PSG5: variants seen among roughly 807,000 people sequenced by gnomAD.
PSG5 encodes the protein pregnancy-specific beta-1-glycoprotein 5.
PSG5 carries 53 observed loss-of-function variants against 37.7 expected under a neutral mutation model. That is an observed-to-expected ratio of 1.41 (90% CI 1.13 to 1.77). PSG5 has a LOEUF of 1.77. PSG5 is among the 40% of genes most tolerant of loss of function. PSG5 has a pLI of 0.00. For missense variants in PSG5, 547 were observed against 405.2 expected (o/e 1.35, Z -3.00); for synonymous variants, 221 against 155.4 (o/e 1.42, Z -3.14).
At chr19:43,185,809 A>G (rs1476357208) in intron 1 of PSG5, among the ~76,000 whole-genome samples, 1 of 146,564 alleles carries the variant, frequency 6.8e-6, no homozygotes, top group East Asian at 2.0e-4. Context: ...CTTTTATTAG[A>G]AGTGTCATCT....
chr19:43,176,568 TC>T (rs1377001634), intron 2 of PSG5, among the ~76,000 whole-genome samples: 1 of 151,578 alleles, frequency 6.6e-6, no homozygotes, highest in Non-Finnish European at 1.5e-5. Flanking sequence ...AGCTCCCATT[TC>T]CAAGGACATT....
rs758445150 is a variant in PSG5 at position 43,168,660 on chromosome 19, T to C, written c.*41-457A>G. Among the ~76,000 whole-genome samples the C allele has an allele frequency of 1.6e-4, 25 of 151,768 alleles. 2 individuals are homozygous for C. The highest frequency in any genetic ancestry group is 1.3e-4 in the Non-Finnish European group (9 of 67,928). ...CTGCTGGGATTGCAGGCGTGAGCCA[T>C]CGCGCCCAGCGTAGAATACTCATAT... On this transcript the variant is annotated intron_variant, in intron 5 of 5. Coordinates refer to ENST00000342951, the MANE Select transcript of PSG5 (RefSeq NM_002781.4).
chr19:43,178,580 C>T (rs1434631806), intron 2 of PSG5, among the ~76,000 whole-genome samples: 1 of 151,632 alleles, frequency 6.6e-6, no homozygotes, highest in Non-Finnish European at 1.5e-5. Flanking sequence ...AGTCGCAACA[C>T]TGAAGTCCCA....
In PSG5 at chr19:43,177,283, A is replaced by G. The variant is rs901507264; in HGVS notation, c.431-1135T>C. Among the ~76,000 whole-genome samples, 78 of 151,248 alleles carry G rather than the reference A, an allele frequency of 5.2e-4. 1 individual carries two copies. The highest frequency in any genetic ancestry group is 2.1e-4 in the South Asian group (1 of 4,806). ...ATAGAGATTGGCTGTCGAGCTTGATACCTATAGTTCACACAGATTGAGTAT... is the reference window on the plus strand; with the variant it reads ...ATAGAGATTGGCTGTCGAGCTTGATGCCTATAGTTCACACAGATTGAGTAT... On this transcript the variant is annotated intron_variant, in intron 2 of 5. Transcript: ENST00000342951.
chr19:43,169,632 G>C (rs2355426), intron 5 of PSG5, among the ~76,000 whole-genome samples: 2 of 151,614 alleles, frequency 1.3e-5, no homozygotes, highest in African/African-American at 2.4e-5. Flanking sequence ...TTGATTAAGT[G>C]AATTAACTAG....
rs988868864 is a variant in PSG5, at chr19:43,168,383, T to C, written c.*41-180A>G. 8.3e-4 allele frequency among the ~76,000 whole-genome samples: 126 copies of C among 151,674 alleles called. 2 individuals are homozygous for C. Among genetic ancestry groups the C allele is most frequent in the African/African-American group, 2.9e-3 (121 of 41,252 alleles). ...AATACTCATTTAAAAAAATTTTTTTTTTTGAAATGGAGTCTCACTCTGTCA... is the reference window on the plus strand; with the variant it reads ...AATACTCATTTAAAAAAATTTTTTTCTTTGAAATGGAGTCTCACTCTGTCA... On this transcript the variant is annotated intron_variant, in intron 5 of 5. Coordinates refer to ENST00000342951, the MANE Select transcript of PSG5 (RefSeq NM_002781.4).
In PSG5 at chr19:43,186,531, C is replaced by T. The variant is rs1244711062; in HGVS notation, c.-126G>A. The T allele has an allele frequency of 1.1e-5, 16 of 1,451,944 alleles. No individual in the cohort carries two copies. Among genetic ancestry groups the T allele is most frequent in the Admixed American group, 2.2e-5 (1 of 45,748 alleles). The allele number at this position is 1,451,944 out of a possible 1,614,324, so 89.9% of individuals were successfully genotyped here. On this transcript the variant is annotated 5_prime_UTR_variant, in exon 1 of 6. In the 5' UTR this introduces an upstream ATG that the reference lacks. Transcript: ENST00000342951. ...TGAGCCTCTCTCCAGGGCAGGAGCA[C>T]TTCTCAGGCTCATGGGTGGGGTCAG...
chr19:43,171,766 T>A lies in PSG5; in HGVS notation c.965-1628A>T, dbSNP rs1326493338. Among the ~76,000 whole-genome samples the A allele has an allele frequency of 3.3e-5, 5 of 151,428 alleles. 1 individual carries two copies. The highest frequency in any genetic ancestry group is 7.4e-5 in the Non-Finnish European group (5 of 67,866). ...GAAGGATTTCTTGAGACCAGGTGTT[T>A]GGACCAGCATGGGTAACCTGGGGAG... On this transcript the variant is annotated intron_variant, in intron 4 of 5. Transcript: ENST00000342951.
At chr19:43,169,484 G>A (rs1968857839) in intron 5 of PSG5, among the ~76,000 whole-genome samples, 1 of 151,582 alleles carries the variant, frequency 6.6e-6, no homozygotes, top group Admixed American at 6.6e-5. Flanking sequence ...GGGTGAAGGG[G>A]CAGGGATGTG....
At chr19:43,177,243 C>T (rs1048904674) in intron 2 of PSG5, among the ~76,000 whole-genome samples, 1 of 151,424 alleles carries the variant, frequency 6.6e-6, no homozygotes, top group African/African-American at 2.4e-5. Flanking sequence ...TTCAGTTATG[C>T]AAGGTGGGGA....
chr19:43,174,559 T>G lies in PSG5; in HGVS notation c.964+656A>C, dbSNP rs139176410. 8.5e-4 allele frequency: 769 copies of G among 908,958 alleles called. 15 individuals carry two copies. In the African/African-American group the frequency reaches 0.013, roughly 15 times the overall value. 56.3% of individuals were successfully genotyped at this position (908,958 alleles called of 1,614,324 possible). A position where few individuals can be genotyped will look rare whatever the true frequency, so the allele number is the denominator to read the frequency against. Reference sequence around the variant, plus strand: ...GAGCCAGGACGCAACGCAGGAGTCTTCCCTGAGGCTCCCTCTCTTCTTATT... The same window carrying G: ...GAGCCAGGACGCAACGCAGGAGTCTGCCCTGAGGCTCCCTCTCTTCTTATT... On this transcript the variant is annotated intron_variant, in intron 4 of 5. Coordinates refer to ENST00000342951, the MANE Select transcript of PSG5 (RefSeq NM_002781.4).
At chr19:43,179,143 G>T (rs187996200) in intron 2 of PSG5, 4 of 1,595,262 alleles carry the variant, frequency 2.5e-6, no homozygotes, top group Admixed American at 1.7e-5. Context: ...GAGATGGAGG[G>T]CTTGGGAGTT....
intron 4 of PSG5, 194 bp downstream of exon 4, chr19:43,175,021 A>G: frequency 1.3e-6 from 2 of 1,484,944 alleles, no homozygotes; most frequent in Non-Finnish European, 1.8e-6. Context: ...ACACAAGGTC[A>G]GCCATGAGAA....
intron 5 of PSG5, 89 bp from the exon 6 acceptor site, chr19:43,168,292 T>G (rs1968829554): frequency 2.8e-6 from 1 of 355,486 alleles, no homozygotes; most frequent in Non-Finnish European, 5.2e-6. Context: ...AGAAATCCAG[T>G]TACTTCTGTG....
rs368986569 is a variant in PSG5, at chr19:43,176,179, G to A, written c.431-31C>T. 42 of 1,606,208 alleles carry A rather than the reference G, an allele frequency of 2.6e-5. 2 individuals carry two copies. In the African/African-American group the frequency reaches 4.7e-4, roughly 18 times the overall value. On this transcript the variant is annotated intron_variant, in intron 2 of 5. Transcript: ENST00000342951. ...TGGATAACAGAGAGAAGATTGTCCT[G>A]TGTGGCACCTTTGATTCCTCCACAG... is the stretch of plus-strand genomic sequence containing the variant.
At chr19:43,182,765 A>G (rs1287079300) in intron 2 of PSG5, among the ~76,000 whole-genome samples, 5 of 133,584 alleles carry the variant, frequency 3.7e-5, no homozygotes, top group African/African-American at 5.8e-5. Flanking sequence ...TTATGAATGG[A>G]TGGAGGAACT....
chr19:43,170,153 A>G lies in PSG5; in HGVS notation c.965-15T>C, dbSNP rs138965413. 3.3e-3 allele frequency: 5,181 copies of G among 1,572,624 alleles called. 85 individuals are homozygous for G. Among genetic ancestry groups the G allele is most frequent in the Non-Finnish European group, 3.9e-3 (4,517 of 1,148,650 alleles). On this transcript the variant is annotated splice_polypyrimidine_tract_variant and intron_variant, in intron 4 of 5. Transcript: ENST00000342951. ...TCCTGAAGGAGCTGTCATGGAAAGA[A>G]AAGTAAAGAAGGAATGAAGGTGATG...
chr19:43,180,821 A>C (rs1473025903), intron 2 of PSG5, among the ~76,000 whole-genome samples: 6 of 151,476 alleles, frequency 4.0e-5, no homozygotes, highest in Non-Finnish European at 8.8e-5. Flanking sequence ...GTCCCGTTAA[A>C]AGGACAGAAC....
Position 43,171,548 on chromosome 19 carries a change from T to C in PSG5, c.965-1410A>G, listed in dbSNP as rs112041241. 1.8e-4 allele frequency: 65 copies of C among 370,448 alleles called. 1 individual carries two copies. The highest frequency in any genetic ancestry group is 1.1e-3 in the Admixed American group (23 of 20,256). 22.9% of individuals were successfully genotyped at this position (370,448 alleles called of 1,614,324 possible). On this transcript the variant is annotated intron_variant, in intron 4 of 5. Transcript: ENST00000342951. ...GAGTGGACATAAATAAAATGGAGAATGGAAAAAGAATAGAGGAAATTAATG... is the reference window on the plus strand; with the variant it reads ...GAGTGGACATAAATAAAATGGAGAACGGAAAAAGAATAGAGGAAATTAATG...
Sources: gnomAD v4.1 joint callset for allele counts (sites outside exome capture counted in the v4.1 genomes callset) on GRCh38, gnomAD v4.1.1 for gene constraint, MANE v1.5 for transcripts, NCBI Gene and HGNC (gene_info 2026-07-23, HGNC 2026-07-21) for gene names.